TPO: variants seen among roughly 807,000 people sequenced by gnomAD.
TPO encodes thyroid peroxidase.
In TPO, 78 loss-of-function variants were observed where a neutral mutation model predicts 96.9. That is an observed-to-expected ratio of 0.81 (90% CI 0.67 to 0.97). TPO has a LOEUF of 0.97. Among genes scored for constraint, TPO ranks in the 50% least tolerant of loss-of-function variants. The pLI, the probability that TPO is intolerant of heterozygous loss-of-function variation, is 0.00. For missense variants in TPO, 1,252 were observed against 1,274.8 expected (o/e 0.98, Z 0.27); for synonymous variants, 547 against 538.0 (o/e 1.02, Z -0.23).
intron 2 of TPO, among the ~76,000 whole-genome samples, chr2:1,420,748 G>C (rs894237834): frequency 6.6e-6 from 1 of 152,124 alleles, no homozygotes; most frequent in African/African-American, 2.4e-5. Context: ...CAGAAGGATG[G>C]TGGGGAGATC....
intron 7 of TPO, among the ~76,000 whole-genome samples, chr2:1,464,157 C>A (rs1380567286): frequency 6.6e-6 from 1 of 152,146 alleles, no homozygotes; most frequent in Non-Finnish European, 1.5e-5. Flanking sequence ...GTTTGGTTTT[C>A]AATTCTTGAG....
At chr2:1,483,183 G>A (rs1670805906) in intron 8 of TPO, among the ~76,000 whole-genome samples, 1 of 152,210 alleles carries the variant, frequency 6.6e-6, no homozygotes. Context: ...CAGTGTCTGT[G>A]AGGCTCTGAT....
intron 15 of TPO, among the ~76,000 whole-genome samples, chr2:1,528,467 A>AC (rs1677151294): frequency 9.4e-6 from 1 of 105,960 alleles, no homozygotes. Context: ...CAAATCTCTC[A>AC]ACTGTGTGCA....
At chr2:1,496,494 C>T in intron 12 of TPO, 101 bp from the exon 13 acceptor site, 2 of 1,532,058 alleles carry the variant, frequency 1.3e-6, no homozygotes, top group South Asian at 1.1e-5. Context: ...GGCCCTGGCA[C>T]CAGCCCCTCC....
upstream of TPO, among the ~76,000 whole-genome samples, chr2:1,409,755 A>C (rs1461022150): frequency 6.6e-6 from 1 of 151,644 alleles, no homozygotes. Context: ...TCTCTTAAAA[A>C]ATAAACTTAC....
intron 14 of TPO, among the ~76,000 whole-genome samples, chr2:1,510,977 A>G (rs535458310): frequency 5.0e-4 from 76 of 152,348 alleles, no homozygotes; most frequent in African/African-American, 1.8e-3. Context: ...GTAGATACAC[A>G]TATAGATTCA....
At chr2:1,507,378 G>A (rs573484029) in intron 14 of TPO, among the ~76,000 whole-genome samples, 56 of 152,170 alleles carry the variant, frequency 3.7e-4, no homozygotes, top group African/African-American at 1.2e-3. Context: ...CTCTTTTTTG[G>A]TTCCATATGA....
At chr2:1,403,879 C>T (rs1445441523) in intron 1 of TPO, among the ~76,000 whole-genome samples, 2 of 152,332 alleles carry the variant, frequency 1.3e-5, no homozygotes, top group Admixed American at 6.5e-5. Context: ...ACGGTGGCTG[C>T]CCCATCAGCC....
rs1185097516 is a variant in TPO at position 1,542,505 on chromosome 2, T to G, written c.*31T>G. The G allele has an allele frequency of 6.2e-7, 1 of 1,613,742 alleles. No homozygotes were observed. The highest frequency in any genetic ancestry group is 8.5e-7 in the Non-Finnish European group (1 of 1,179,892). ...AAGTGGCAGGACACTGCAGAACAGC[T>G]TCATGTTCCCAAAATCACCGTACGA... is the stretch of plus-strand genomic sequence containing the variant. On this transcript the variant is annotated 3_prime_UTR_variant, in exon 17 of 17. Transcript: ENST00000329066.
intron 9 of TPO, 43 bp from the exon 10 acceptor site, chr2:1,487,778 C>T: frequency 6.2e-7 from 1 of 1,611,934 alleles, no homozygotes; most frequent in Non-Finnish European, 8.5e-7. Context: ...TTCTCTAGAA[C>T]TGAGCCAAGA....
Position 1,477,354 on chromosome 2 carries a change from A to G in TPO, c.1088A>G (p.Tyr363Cys). 2 of 1,545,876 alleles carry G rather than the reference A, an allele frequency of 1.3e-6. No homozygotes were observed. The highest frequency in any genetic ancestry group is 1.7e-6 in the Non-Finnish European group (2 of 1,143,902). The change falls in exon 8 of 17, where the codon TAC becomes TGC. Residue 363 changes from tyrosine to cysteine, a missense_variant. By Grantham distance (194) the Tyr-to-Cys change is radical. Transcript: ENST00000329066. ...HARLRDSGRA[Y>C]LPFVPPRAPA... is the part of the protein sequence containing the mutation. Reference sequence around the variant, plus strand: ...CGCCTCCGGGACTCCGGCCGCGCCTACCTGCCCTTCGTGCCGCCACGCGCG... The same window carrying G: ...CGCCTCCGGGACTCCGGCCGCGCCTGCCTGCCCTTCGTGCCGCCACGCGCG...
Position 1,540,690 on chromosome 2 carries a change from A to ACCGCAGCGGG in TPO, c.2723_2732dup (p.Gln912GlyfsTer72), listed in dbSNP as rs755080955. The ACCGCAGCGGG allele has an allele frequency of 6.2e-7, 1 of 1,612,774 alleles. No individual in the cohort carries two copies. The highest frequency in any genetic ancestry group is 1.3e-5 in the African/African-American group (1 of 74,474). On this transcript the variant is annotated frameshift_variant, in exon 16 of 17. Transcript: ENST00000329066. LOFTEE classifies it low-confidence loss of function (END_TRUNC). ...GAAAGCACCAGGCCGTAGGGACCTC[A>ACCGCAGCGGG]CCGCAGCGGGCCGCAGCTCAGGACT...
intron 6 of TPO, 62 bp downstream of exon 6, chr2:1,453,885 A>C (rs1169543336): frequency 6.2e-7 from 1 of 1,611,112 alleles, no homozygotes; most frequent in African/African-American, 1.3e-5. Context: ...TGAGGGAGGG[A>C]AATAGCCTTT....
chr2:1,388,538 C>T (rs1009528218), intron 1 of TPO, among the ~76,000 whole-genome samples: 7 of 152,138 alleles, frequency 4.6e-5, no homozygotes, highest in Non-Finnish European at 8.8e-5. Flanking sequence ...CCTGGTGTGC[C>T]GTTTGCTAAG....
At chr2:1,441,412 A>G (rs900904347) in intron 5 of TPO, among the ~76,000 whole-genome samples, 2 of 152,238 alleles carry the variant, frequency 1.3e-5, no homozygotes, top group African/African-American at 4.8e-5. Context: ...GTGTGTGTGC[A>G]TGCACGGCAA....
intron 7 of TPO, among the ~76,000 whole-genome samples, chr2:1,458,584 T>C (rs1471968722): frequency 6.6e-6 from 1 of 152,070 alleles, no homozygotes; most frequent in Non-Finnish European, 1.5e-5. Flanking sequence ...TGTGGACATG[T>C]GTGTATATGG....
At position 1,436,889 on chromosome 2, in the gene TPO, T is replaced by C. The variant is rs1665628854; in HGVS notation, c.482+505T>C. Among the ~76,000 whole-genome samples the C allele has an allele frequency of 2.0e-5, 3 of 152,336 alleles. No homozygotes were observed. In the South Asian group the frequency reaches 6.2e-4, roughly 32 times the overall value. On this transcript the variant is annotated intron_variant, in intron 5 of 16. Transcript: ENST00000329066. ...TCTTGCTTTCCCCATTCACGCTCCC[T>C]GTTATGGCCAACACCATCTCAGCAC...
At chr2:1,520,801 T>C (rs1251564104) in intron 15 of TPO, among the ~76,000 whole-genome samples, 1 of 152,254 alleles carries the variant, frequency 6.6e-6, no homozygotes, top group East Asian at 1.9e-4. Context: ...CATGTCAGTT[T>C]TGCCAATTAG....
intron 7 of TPO, among the ~76,000 whole-genome samples, chr2:1,460,948 T>G (rs1668370298): frequency 6.6e-6 from 1 of 152,182 alleles, no homozygotes; most frequent in African/African-American, 2.4e-5. Flanking sequence ...TTTCGCTGGT[T>G]TGGGCAAGAG....
Sources: allele counts gnomAD v4.1 joint callset (sites outside exome capture counted in the v4.1 genomes callset), GRCh38; gene constraint gnomAD v4.1.1; transcripts MANE v1.5; gene names NCBI Gene and HGNC (gene_info 2026-07-23, HGNC 2026-07-21).